Variants in COL21A1 observed in about 807,000 individuals in gnomAD.
The protein encoded by COL21A1 is collagen type XXI alpha 1 chain.
In COL21A1, 149 loss-of-function variants were observed where a neutral mutation model predicts 137.9. That is an observed-to-expected ratio of 1.08 (90% CI 0.95 to 1.24). The LOEUF (loss-of-function observed/expected upper bound fraction) is 1.24. COL21A1 is among the 50% of genes most tolerant of loss of function. The probability of loss-of-function intolerance (pLI) is 0.00; values close to 1 mark genes in which losing one functional copy is unlikely to be tolerated. For synonymous variants in COL21A1, 456 were observed against 391.5 expected (o/e 1.16, Z -1.95); for missense variants, 1,167 against 1,158.4 (o/e 1.01, Z -0.11).
At chr6:56,204,108 T>A (rs1779588363) in intron 1 of COL21A1, among the ~76,000 whole-genome samples, 1 of 151,918 alleles carries the variant, frequency 6.6e-6, no homozygotes. Flanking sequence ...AATACCCCAG[T>A]GTCACCTGGA....
chr6:56,234,137 A>G (rs910585574), intron 1 of COL21A1, among the ~76,000 whole-genome samples: 8 of 151,848 alleles, frequency 5.3e-5, no homozygotes, highest in African/African-American at 1.9e-4. Flanking sequence ...AAGTCCAAAC[A>G]TATTAGCAAT....
intron 1 of COL21A1, among the ~76,000 whole-genome samples, chr6:56,303,296 C>A (rs1325865867): frequency 6.6e-6 from 1 of 152,130 alleles, no homozygotes; most frequent in Non-Finnish European, 1.5e-5. Flanking sequence ...ATGGGGATGG[C>A]ATTGAATCTA....
chr6:56,192,034 A>G (rs1469049594), intron 1 of COL21A1, among the ~76,000 whole-genome samples: 2 of 152,118 alleles, frequency 1.3e-5, no homozygotes, highest in African/African-American at 2.4e-5. Context: ...CAGAGGCCTC[A>G]GAAATAAAAC....
At chr6:56,142,746 C>A (rs756220302) in intron 10 of COL21A1, among the ~76,000 whole-genome samples, 6 of 152,174 alleles carry the variant, frequency 3.9e-5, no homozygotes, top group Non-Finnish European at 5.9e-5. Context: ...GACCACCTGG[C>A]ACCTACAAAC....
chr6:56,332,996 A>C (rs1409866758), intron 1 of COL21A1, among the ~76,000 whole-genome samples: 1 of 151,892 alleles, frequency 6.6e-6, no homozygotes, highest in Non-Finnish European at 1.5e-5. Context: ...TTTAATTTTA[A>C]ATTTTCATTT....
At chr6:56,144,496 A>G (rs1328897356) in intron 10 of COL21A1, among the ~76,000 whole-genome samples, 1 of 152,260 alleles carries the variant, frequency 6.6e-6, no homozygotes, top group African/African-American at 2.4e-5. Flanking sequence ...GATCATCTGC[A>G]AAGTTCACAT....
chr6:56,152,884 A>T (rs2152252579), intron 10 of COL21A1, among the ~76,000 whole-genome samples: 1 of 152,264 alleles, frequency 6.6e-6, no homozygotes, highest in Admixed American at 6.5e-5. Context: ...TCAGTACAGC[A>T]CTTCAGCTGC....
At chr6:56,060,583 T>C in intron 27 of COL21A1, 158 bp downstream of exon 27, 1 of 534,290 alleles carries the variant, frequency 1.9e-6, no homozygotes, top group Non-Finnish European at 3.2e-6. Context: ...ATATGATAAA[T>C]CTTTATAAAA....
intron 16 of COL21A1, among the ~76,000 whole-genome samples, chr6:56,104,880 T>C (rs1770749598): frequency 6.6e-6 from 1 of 152,212 alleles, no homozygotes; most frequent in South Asian, 2.1e-4. Flanking sequence ...GGATGGAAAG[T>C]AATTTAGTTT....
Position 56,330,772 on chromosome 6 carries a change from G to C in COL21A1, c.-39+63199C>G, listed in dbSNP as rs140876571. ...GAGCTGTGATGAACATGTGAGTGCA[G>C]GTGACTTTTTGATGTCAAGGTTTAT... On this transcript the variant is annotated intron_variant, in intron 1 of 28. Coordinates refer to the COL21A1 transcript ENST00000370819. Among the ~76,000 whole-genome samples, 570 of 152,172 alleles carry C rather than the reference G, an allele frequency of 3.7e-3. 2 individuals are homozygous for C. Among genetic ancestry groups the C allele is most frequent in the African/African-American group, 0.013 (536 of 41,538 alleles).
At chr6:56,165,890 G>A (rs577386205) in intron 7 of COL21A1, among the ~76,000 whole-genome samples, 2 of 144,720 alleles carry the variant, frequency 1.4e-5, no homozygotes, top group South Asian at 4.4e-4. Context: ...ATTTTGCCCA[G>A]GGGAAAGGGG....
chr6:56,160,310 C>A (rs1232507702), intron 9 of COL21A1, among the ~76,000 whole-genome samples: 1 of 152,184 alleles, frequency 6.6e-6, no homozygotes, highest in Non-Finnish European at 1.5e-5. Flanking sequence ...GAAGCAGATA[C>A]TTTTATTATT....
chr6:56,292,593 G>T (rs1205026983), intron 1 of COL21A1, among the ~76,000 whole-genome samples: 1 of 152,160 alleles, frequency 6.6e-6, no homozygotes, highest in Non-Finnish European at 1.5e-5. Context: ...AAATGTGCCT[G>T]GTTCACCACA....
At chr6:56,220,144 T>C (rs1780741611) in intron 1 of COL21A1, among the ~76,000 whole-genome samples, 1 of 152,126 alleles carries the variant, frequency 6.6e-6, no homozygotes, top group South Asian at 2.1e-4. Context: ...GCTTATCAAA[T>C]GGCATAATAC....
chr6:56,107,199 T>C (rs969727955), intron 16 of COL21A1, among the ~76,000 whole-genome samples: 1 of 152,146 alleles, frequency 6.6e-6, no homozygotes, highest in Non-Finnish European at 1.5e-5. Context: ...AGAACGATGA[T>C]TAAATTACTA....
intron 1 of COL21A1, among the ~76,000 whole-genome samples, chr6:56,281,736 A>G (rs1763789995): frequency 2.6e-5 from 4 of 152,288 alleles, no homozygotes; most frequent in East Asian, 1.9e-4. Context: ...TTGAAAAATT[A>G]AGAAATAATA....
At chr6:56,345,619 G>C (rs17224995) in intron 1 of COL21A1, among the ~76,000 whole-genome samples, 24,874 of 152,116 alleles carry the variant, frequency 0.16, 2,179 homozygotes, top group Non-Finnish European at 0.18. Flanking sequence ...ACGCCTGATC[G>C]CTACATCTTC....
At chr6:56,107,306 G>A (rs12191636) in intron 16 of COL21A1, among the ~76,000 whole-genome samples, 83,248 of 151,424 alleles carry the variant, frequency 0.55, 23,173 homozygotes, top group East Asian at 0.79. Flanking sequence ...ACACATTAAA[G>A]GCTCAGAAAC....
chr6:56,154,401 C>T (rs937692618), intron 10 of COL21A1, among the ~76,000 whole-genome samples: 2 of 152,208 alleles, frequency 1.3e-5, no homozygotes, highest in Non-Finnish European at 2.9e-5. Context: ...CTGTCTCCCC[C>T]AGTCTTGCCC....
Sources: gnomAD v4.1 joint callset for allele counts (sites outside exome capture counted in the v4.1 genomes callset) on GRCh38, gnomAD v4.1.1 for gene constraint, MANE v1.5 for transcripts, NCBI Gene and HGNC (gene_info 2026-07-23, HGNC 2026-07-21) for gene names.